Variants in MXRA5 observed in about 807,000 individuals in gnomAD.
The protein encoded by MXRA5 is matrix-remodeling-associated protein 5.
Under a neutral mutation model 112.5 loss-of-function variants are expected in MXRA5, and 41 were observed. The ratio of observed to expected loss-of-function variants is 0.36; its 90% CI spans 0.28 to 0.47. The LOEUF (loss-of-function observed/expected upper bound fraction) is 0.47, where lower values mean the gene tolerates loss of function less well. Ranked by LOEUF, MXRA5 falls within the 20% of genes least tolerant of loss-of-function variation. The probability of loss-of-function intolerance (pLI) is 0.99; values close to 1 mark genes in which losing one functional copy is unlikely to be tolerated. For synonymous variants in MXRA5, 862 were observed against 900.8 expected, an observed-to-expected ratio of 0.96 and a Z score of 0.77; for missense variants, 2,150 against 2,251.0, an observed-to-expected ratio of 0.96 and a Z score of 0.91.
rs1342050544 is a variant in MXRA5, at chrX:3,311,313, C to T, written c.6890G>A (p.Arg2297His). The T allele has an allele frequency of 1.7e-6, 2 of 1,211,934 alleles. No individual in the cohort carries two copies. The highest frequency in any genetic ancestry group is 2.2e-6 in the Non-Finnish European group (2 of 895,522). The change falls in exon 7 of 7, where the codon CGC (arginine) becomes CAC (histidine). Residue 2297 changes from arginine (R) to histidine (H), a missense_variant. Coordinates refer to ENST00000217939, the MANE Select transcript of MXRA5 (RefSeq NM_015419.4). The part of the protein sequence containing the change: ...SFMQSDDSGG[R>H]TKRYVVFNNG... The stretch of plus-strand genomic sequence containing the variant: ...GTTGAAGACGACATAGCGCTTGGTG[C>T]GTCCACCGCTGTCATCCGACTGCAT...
intron 2 of MXRA5, among the ~76,000 whole-genome samples, chrX:3,341,618 AT>A (rs1262045930): frequency 3.1e-4 from 18 of 58,309 alleles, no homozygotes; most frequent in Non-Finnish European, 8.8e-5. Context: ...TATATATAAT[AT>A]ATAATATAGT....
At chrX:3,333,461 C>T (rs1325480260) in intron 2 of MXRA5, among the ~76,000 whole-genome samples, 2 of 109,930 alleles carry the variant, frequency 1.8e-5, no homozygotes, top group African/African-American at 6.6e-5. Flanking sequence ...CTTATTAAAA[C>T]AAGATGGGAA....
rs772649054 is a variant in MXRA5, at chrX:3,320,592, T to C, written c.5093A>G (p.Tyr1698Cys). ...GTTGTTATTTCCAAACACTTTGGAGTAGCCATTGAATTGGTCAGTTCTTCG... is the reference window on the plus strand; with the variant it reads ...GTTGTTATTTCCAAACACTTTGGAGCAGCCATTGAATTGGTCAGTTCTTCG... ...TDRRTDQFNG[Y>C]SKVFGNNNIP... Residue 1698 changes from tyrosine to cysteine, a missense_variant, in exon 5 of 7, where the codon TAC (tyrosine) becomes TGC (cysteine). Physicochemically the swap from Tyr to Cys is radical, Grantham distance 194. Coordinates refer to ENST00000217939, the MANE Select transcript of MXRA5 (RefSeq NM_015419.4). 1.5e-5 allele frequency: 18 copies of C among 1,211,521 alleles called. No individual in the cohort carries two copies. The South Asian group carries it at 3.2e-4, about 21-fold the overall frequency.
rs1356746377 is a variant in MXRA5, at chrX:3,323,500, C to T, written c.2185G>A (p.Asp729Asn). The T allele has an allele frequency of 8.3e-7, 1 of 1,211,800 alleles. No homozygotes were observed. The highest frequency in any genetic ancestry group is 3.0e-5 in the East Asian group (1 of 33,847). The change falls in exon 5 of 7, where the codon GAT becomes AAT. Residue 729 changes from aspartate to asparagine, a missense_variant. Physicochemically the swap from Asp to Asn is conservative, Grantham distance 23. Transcript: ENST00000217939. The part of the protein sequence containing the change: ...DQEVFLKTKD[D>N]AINGDKKAKK... ...GCTTTCTTGTCTCCATTGATGGCATCATCCTTTGTTTTGAGGAACACCTCT... is the reference window on the plus strand; with the variant it reads ...GCTTTCTTGTCTCCATTGATGGCATTATCCTTTGTTTTGAGGAACACCTCT...
rs111245984 is a variant in MXRA5 at position 3,325,005 on chromosome X, GT to G, written c.710-31del. The G allele has an allele frequency of 7.6e-5, 86 of 1,133,551 alleles. No individual in the cohort carries two copies. The African/African-American group carries it at 1.0e-3, about 13-fold the overall frequency. 93.4% of individuals were successfully genotyped at this position (1,133,551 alleles called of 1,213,427 possible). ...AACAAATAAGCAAATAGACAATAGG[GT>G]AAGGAGCCAAAGAATGGCATGCCTT... On this transcript the variant is annotated intron_variant, in intron 4 of 6. Coordinates refer to ENST00000217939, the MANE Select transcript of MXRA5 (RefSeq NM_015419.4).
Position 3,310,192 on chromosome X carries a change from A to G in MXRA5, c.8011T>C (p.Trp2671Arg). Reference protein sequence around the residue: ...PPGAGQGRFSWTLPNGMHLEG... With the variant: ...PPGAGQGRFSRTLPNGMHLEG... ...AGATGCATGCCATTGGGGAGCGTCC[A>G]GGAGAAACGTCCCTGCCCAGCCCCG... Residue 2671 changes from tryptophan to arginine, a missense_variant, in exon 7 of 7, where the codon TGG (tryptophan) becomes CGG (arginine). Physicochemically the swap from Trp to Arg is moderately radical, Grantham distance 101. Coordinates refer to ENST00000217939, the MANE Select transcript of MXRA5 (RefSeq NM_015419.4). 1 of 1,211,968 alleles carries G rather than the reference A, an allele frequency of 8.3e-7. No homozygotes were observed.
intron 6 of MXRA5, among the ~76,000 whole-genome samples, chrX:3,316,091 G>GCTCACGCCTGTA (rs1921114283): frequency 1.9e-4 from 8 of 41,493 alleles, no homozygotes; most frequent in African/African-American, 1.1e-3. Context: ...GGGCGCGGCG[G>GCTCACGCCTGTA]ATCAGGAGGT....
Position 3,323,477 on chromosome X carries a change from T to C in MXRA5, c.2208A>G (p.Lys736=), listed in dbSNP as rs1482295256. Residue 736 remains lysine, a synonymous_variant, in exon 5 of 7, where the codon AAA becomes AAG. Coordinates refer to ENST00000217939, the MANE Select transcript of MXRA5 (RefSeq NM_015419.4). ...TCAGCTTTCTTCTCCCTTTCTTGGC[T>C]TTCTTGTCTCCATTGATGGCATCAT... ...TKDDAINGDK[K]AKKGRRKLKL... is the part of the protein sequence containing the mutation. 1 of 1,212,101 alleles carries C rather than the reference T, an allele frequency of 8.3e-7. No homozygotes were observed. The highest frequency in any genetic ancestry group is 1.1e-6 in the Non-Finnish European group (1 of 895,602).
Position 3,320,933 on chromosome X carries a change from CCTA to C in MXRA5, c.4749_4751del (p.Ser1583del), listed in dbSNP as rs1323643576. 1.7e-6 allele frequency: 2 copies of C among 1,209,801 alleles called. No individual in the cohort carries two copies. The highest frequency in any genetic ancestry group is 3.5e-5 in the African/African-American group (2 of 57,124). ...GGCTATCTGGGCCACGTGGTAGACT[CCTA>C]CTACCAAATACTTGCTTTTCCAATT... On this transcript the variant is annotated inframe_deletion, in exon 5 of 7. Transcript: ENST00000217939.
At chrX:3,333,660 A>G (rs1346204495) in intron 2 of MXRA5, among the ~76,000 whole-genome samples, 1 of 111,786 alleles carries the variant, frequency 8.9e-6, no homozygotes, top group Non-Finnish European at 1.9e-5. Flanking sequence ...AGCTGTCAAT[A>G]TCTACTTGAC....
At chrX:3,341,876 A>C in intron 2 of MXRA5, among the ~76,000 whole-genome samples, 2 of 104,748 alleles carry the variant, frequency 1.9e-5, no homozygotes, top group Middle Eastern at 9.6e-3. Flanking sequence ...AACAATTCCT[A>C]GACAGAGCCA....
At chrX:3,330,496 G>A (rs1921639006) in intron 3 of MXRA5, 88 bp from the exon 4 acceptor site, 1 of 1,106,421 alleles carries the variant, frequency 9.0e-7, no homozygotes, top group Admixed American at 2.9e-5. Flanking sequence ...CCAGTACAAA[G>A]GGCTGGAGAG....
In MXRA5 at chrX:3,321,400, A is replaced by C. The variant is rs781111871; in HGVS notation, c.4285T>G (p.Ser1429Ala). ...GCTTCTTCCTGGTGAAATGGTGTGG[A>C]GACTGTCAAAGAGGACAAAAACTCG... ...TSEFLSSLTV[S>A]TPFHQEEAGS... The change falls in exon 5 of 7, where the codon TCC becomes GCC. Residue 1429 changes from serine (S) to alanine (A), a missense_variant. This residue lies in a region of MXRA5 where 1,485 missense variants were observed against 1,471.6 expected (regional missense o/e 1.01). Transcript: ENST00000217939. 3 of 1,211,678 alleles carry C rather than the reference A, an allele frequency of 2.5e-6. No individual in the cohort carries two copies. The highest frequency in any genetic ancestry group is 3.4e-6 in the Non-Finnish European group (3 of 895,515).
intron 1 of MXRA5, among the ~76,000 whole-genome samples, chrX:3,345,866 C>T (rs1224895999): frequency 8.9e-6 from 1 of 112,745 alleles, no homozygotes; most frequent in African/African-American, 3.2e-5. Context: ...CTGGGGTGGC[C>T]CTGCGAGTCC....
rs774852439 is a variant in MXRA5, at chrX:3,310,188, G to A, written c.8015C>T (p.Thr2672Met). Residue 2672 changes from threonine to methionine, a missense_variant, in exon 7 of 7, where the codon ACG becomes ATG. By Grantham distance (81) the Thr-to-Met change is moderately conservative. Transcript: ENST00000217939. ...CTCCAGATGCATGCCATTGGGGAGC[G>A]TCCAGGAGAAACGTCCCTGCCCAGC... is the stretch of plus-strand genomic sequence containing the variant. ...PGAGQGRFSWTLPNGMHLEGP... is the reference protein window; with the variant it reads ...PGAGQGRFSWMLPNGMHLEGP... 10 of 1,209,987 alleles carry A rather than the reference G, an allele frequency of 8.3e-6. No homozygotes were observed. The highest frequency in any genetic ancestry group is 1.8e-5 in the South Asian group (1 of 56,754).
intron 2 of MXRA5, among the ~76,000 whole-genome samples, chrX:3,340,985 AT>A (rs1302109947): frequency 1.2e-5 from 1 of 82,499 alleles, no homozygotes; most frequent in Non-Finnish European, 2.3e-5. Flanking sequence ...ATAGATATAT[AT>A]TATATATCAT....
At chrX:3,312,645 T>C (rs965491408) in intron 6 of MXRA5, among the ~76,000 whole-genome samples, 6 of 109,193 alleles carry the variant, frequency 5.5e-5, no homozygotes, top group Admixed American at 2.0e-4. Flanking sequence ...AACTGTAGTC[T>C]CGATCTCTTG....
At position 3,321,261 on chromosome X, in the gene MXRA5, T is replaced by C; in HGVS notation, c.4424A>G (p.Glu1475Gly). Residue 1475 changes from glutamate to glycine, a missense_variant, in exon 5 of 7, where the codon GAA becomes GGA. Coordinates refer to ENST00000217939, the MANE Select transcript of MXRA5 (RefSeq NM_015419.4). ...AGGGGTGTGATTCTGTGGTCTAGTT[T>C]CAGAAAGGAGAATAGCCACAGTGGT... The part of the protein sequence containing the change: ...LETTVAILLS[E>G]TRPQNHTPTA... 8.3e-7 allele frequency: 1 copy of C among 1,211,581 alleles called. No individual in the cohort carries two copies. The highest frequency in any genetic ancestry group is 1.8e-5 in the South Asian group (1 of 56,959).
intron 4 of MXRA5, among the ~76,000 whole-genome samples, chrX:3,327,947 A>G (rs1249872466): frequency 1.8e-5 from 2 of 113,130 alleles, no homozygotes; most frequent in African/African-American, 6.4e-5. Flanking sequence ...ACACAAAGAC[A>G]TGCATGCGTA....
Sources: allele counts gnomAD v4.1 joint callset (sites outside exome capture counted in the v4.1 genomes callset), GRCh38; gene constraint gnomAD v4.1.1; regional missense constraint gnomAD v4.1.1; transcripts MANE v1.5; gene names NCBI Gene and HGNC (gene_info 2026-07-23, HGNC 2026-07-21).